YIPF6: variants seen among roughly 807,000 people sequenced by gnomAD.
The protein encoded by YIPF6 is protein YIPF6.
YIPF6 carries 3 observed loss-of-function variants against 16.8 expected under a neutral mutation model. The ratio of observed to expected loss-of-function variants is 0.18; its 90% CI spans 0.08 to 0.46. The LOEUF is 0.46. YIPF6 is among the 20% of genes least tolerant of loss of function. The pLI is 0.98. For missense variants in YIPF6, 145 were observed against 184.9 expected, an observed-to-expected ratio of 0.78 and a Z score of 1.25; for synonymous variants, 67 against 61.9, an observed-to-expected ratio of 1.08 and a Z score of -0.38.
chrX:68,521,955 C>T (rs189929999), intron 5 of YIPF6, among the ~76,000 whole-genome samples: 6 of 110,927 alleles, frequency 5.4e-5, no homozygotes, highest in African/African-American at 1.6e-4. Context: ...GTTCTTAAAA[C>T]CACTACCACT....
intron 5 of YIPF6, among the ~76,000 whole-genome samples, chrX:68,521,874 A>C (rs1304495327): frequency 9.0e-6 from 1 of 110,801 alleles, no homozygotes; most frequent in Non-Finnish European, 1.9e-5. Context: ...GATTACAGGC[A>C]TGAGCCACCA....
At chrX:68,527,403 A>C (rs753202804) in intron 6 of YIPF6, among the ~76,000 whole-genome samples, 3 of 110,600 alleles carry the variant, frequency 2.7e-5, no homozygotes, top group Admixed American at 9.6e-5. Flanking sequence ...TATTTTGTTA[A>C]TCTTTCCAAA....
intron 4 of YIPF6, 110 bp downstream of exon 4, chrX:68,518,922 A>G (rs1006407559): frequency 1.5e-6 from 1 of 688,582 alleles, no homozygotes; most frequent in Non-Finnish European, 2.1e-6. Context: ...GACTTATATG[A>G]CATGTTGTAC....
chrX:68,527,230 A>G (rs750080567), intron 6 of YIPF6, among the ~76,000 whole-genome samples: 182 of 111,511 alleles, frequency 1.6e-3, no homozygotes, highest in African/African-American at 5.8e-3. Context: ...GAATTTATCA[A>G]TTTCTTCTAG....
At chrX:68,521,713 G>A (rs778913655) in intron 5 of YIPF6, among the ~76,000 whole-genome samples, 3 of 107,799 alleles carry the variant, frequency 2.8e-5, no homozygotes, top group Non-Finnish European at 5.7e-5. Flanking sequence ...CCAGCATCCC[G>A]AGTAGCTGGG....
At chrX:68,522,537 G>T (rs1309116379) in intron 5 of YIPF6, among the ~76,000 whole-genome samples, 1 of 110,085 alleles carries the variant, frequency 9.1e-6, no homozygotes, top group Non-Finnish European at 1.9e-5. Context: ...CTGACCTCAG[G>T]TGATCCACCC....
intron 1 of YIPF6, among the ~76,000 whole-genome samples, chrX:68,501,863 G>A (rs913940727): frequency 9.0e-6 from 1 of 111,316 alleles, no homozygotes; most frequent in East Asian, 2.8e-4. Flanking sequence ...AGCTTGCTTA[G>A]GTTTGATTCT....
intron 1 of YIPF6, among the ~76,000 whole-genome samples, chrX:68,508,822 C>T: frequency 9.0e-6 from 1 of 111,669 alleles, no homozygotes; most frequent in Non-Finnish European, 1.9e-5. Flanking sequence ...TTGTTAATTG[C>T]TTTGTCTCAT....
intron 3 of YIPF6, 101 bp downstream of exon 3, chrX:68,513,506 C>G: frequency 2.3e-6 from 1 of 435,880 alleles, no homozygotes. Flanking sequence ...AAACTGACAT[C>G]ATTTTGTAGG....
intron 6 of YIPF6, 93 bp downstream of exon 6, chrX:68,523,010 G>A (rs188528296): frequency 6.5e-4 from 666 of 1,018,754 alleles, no homozygotes; most frequent in Non-Finnish European, 8.5e-4. Flanking sequence ...TCCAAAGTTA[G>A]ATGTGAGTGA....
Position 68,522,683 on chromosome X carries a change from G to C in YIPF6, c.435-77G>C, listed in dbSNP as rs943228718. On this transcript the variant is annotated intron_variant, in intron 5 of 6. Transcript: ENST00000462683. ...AGGAGGCAACATTCCGTTACATAGA[G>C]AAATCTATGTAATAAGCTGTGTCAT... is the stretch of plus-strand genomic sequence containing the variant. The C allele has an allele frequency of 1.0e-5, 10 of 953,478 alleles. No individual in the cohort carries two copies. In the Admixed American group the frequency reaches 3.0e-4, roughly 29 times the overall value. 78.6% of individuals were successfully genotyped at this position (953,478 alleles called of 1,213,427 possible). A position where few individuals can be genotyped will look rare whatever the true frequency, so the allele number is the denominator to read the frequency against.
At chrX:68,525,296 G>A (rs765290452) in intron 6 of YIPF6, among the ~76,000 whole-genome samples, 2 of 112,291 alleles carry the variant, frequency 1.8e-5, no homozygotes, top group Non-Finnish European at 3.8e-5. Flanking sequence ...CTCTTGAGAA[G>A]TGTCTGTTCA....
intron 1 of YIPF6, among the ~76,000 whole-genome samples, chrX:68,509,506 C>T (rs961283999): frequency 1.8e-5 from 2 of 111,506 alleles, no homozygotes; most frequent in South Asian, 7.6e-4. Context: ...AGCTCTAGCA[C>T]TTCCTCCAGC....
At chrX:68,509,324 T>C (rs1800581209) in intron 1 of YIPF6, among the ~76,000 whole-genome samples, 3 of 110,485 alleles carry the variant, frequency 2.7e-5, no homozygotes, top group Admixed American at 9.7e-5. Context: ...CTCACTGTGT[T>C]ACCCAGACTA....
chrX:68,510,107 A>T (rs943158290), intron 1 of YIPF6, among the ~76,000 whole-genome samples: 1 of 111,477 alleles, frequency 9.0e-6, no homozygotes, highest in African/African-American at 3.3e-5. Flanking sequence ...TCTCCCTACA[A>T]CTCAGTTCTC....
rs922993942 is a variant in YIPF6, at chrX:68,513,323, T to G, written c.187-4T>G. 7 of 1,202,197 alleles carry G rather than the reference T, an allele frequency of 5.8e-6. No homozygotes were observed. Among genetic ancestry groups the G allele is most frequent in the Middle Eastern group, 2.3e-4 (1 of 4,316 alleles). ...CAATACAACAAGTTGTTTCTGTCTTTCAGATGCGTGATCTAAAAGCTGTTG... is the reference window on the plus strand; with the variant it reads ...CAATACAACAAGTTGTTTCTGTCTTGCAGATGCGTGATCTAAAAGCTGTTG... On this transcript the variant is annotated splice_polypyrimidine_tract_variant and splice_region_variant and intron_variant, in intron 2 of 6. Transcript: ENST00000462683.
At chrX:68,522,613 T>C (rs2079131192) in intron 5 of YIPF6, 147 bp from the exon 6 acceptor site, 1 of 568,339 alleles carries the variant, frequency 1.8e-6, no homozygotes, top group Non-Finnish European at 2.6e-6. Flanking sequence ...GCCAAAAGCA[T>C]GTACTTAATA....
At chrX:68,524,287 G>A (rs1392079183) in intron 6 of YIPF6, among the ~76,000 whole-genome samples, 1 of 110,048 alleles carries the variant, frequency 9.1e-6, no homozygotes, top group Non-Finnish European at 1.9e-5. Context: ...TCCTGCCTCA[G>A]CCTCCCGAGT....
chrX:68,509,526 CTGT>C (rs970184696), intron 1 of YIPF6, among the ~76,000 whole-genome samples: 6 of 111,541 alleles, frequency 5.4e-5, no homozygotes, highest in African/African-American at 2.0e-4. Context: ...CAGTAGACTG[CTGT>C]TGTTTATTAC....
Sources: gnomAD v4.1 joint callset for allele counts (sites outside exome capture counted in the v4.1 genomes callset) on GRCh38, gnomAD v4.1.1 for gene constraint, MANE v1.5 for transcripts, NCBI Gene and HGNC (gene_info 2026-07-23, HGNC 2026-07-21) for gene names.